Variants in CCT8 observed in about 807,000 individuals in gnomAD.
The protein encoded by CCT8 is T-complex protein 1 subunit theta.
Under a neutral mutation model 65.7 loss-of-function variants are expected in CCT8, and 10 were observed. The observed-to-expected ratio is 0.15, with a 90% CI of 0.09 to 0.26. CCT8 has a LOEUF of 0.26. Among genes scored for constraint, CCT8 ranks in the 10% least tolerant of loss-of-function variants. CCT8 has a pLI of 1.00. For missense variants in CCT8, 568 were observed against 669.1 expected (o/e 0.85, Z 1.67); for synonymous variants, 199 against 221.8 (o/e 0.90, Z 0.92).
chr21:29,068,089 G>A (rs1415314495), intron 3 of CCT8, among the ~76,000 whole-genome samples: 2 of 152,164 alleles, frequency 1.3e-5, no homozygotes, highest in Non-Finnish European at 2.9e-5. Context: ...ACTTGGTCAT[G>A]ACTCTCAATA....
At chr21:29,059,236 T>C (rs2085536833) in intron 14 of CCT8, among the ~76,000 whole-genome samples, 1 of 152,232 alleles carries the variant, frequency 6.6e-6, no homozygotes. Flanking sequence ...TTCTAGAATA[T>C]ATACTATACA....
chr21:29,069,381 T>C (rs2085657777), intron 3 of CCT8, 42 bp downstream of exon 3: 1 of 1,133,596 alleles, frequency 8.8e-7, no homozygotes, highest in Non-Finnish European at 1.3e-6. Context: ...TTAATTTTGA[T>C]GTCACCAAAA....
rs185768493 is a variant in CCT8, at chr21:29,065,821, A to G, written c.625-716T>C. Reference sequence around the variant, plus strand: ...TTTTGCGCTGGGCGCGGTGGCTCACACCTGTAATCTCAGCACTTTGGGAGG... The same window carrying G: ...TTTTGCGCTGGGCGCGGTGGCTCACGCCTGTAATCTCAGCACTTTGGGAGG... On this transcript the variant is annotated intron_variant, in intron 6 of 14. Coordinates refer to ENST00000286788, the MANE Select transcript of CCT8 (RefSeq NM_006585.4). Among the ~76,000 whole-genome samples, 310 of 152,326 alleles carry G rather than the reference A, an allele frequency of 2.0e-3. 4 individuals carry two copies. The highest frequency in any genetic ancestry group is 7.3e-3 in the African/African-American group (303 of 41,578).
At chr21:29,070,758 G>C (rs564370400) in intron 1 of CCT8, among the ~76,000 whole-genome samples, 1 of 152,248 alleles carries the variant, frequency 6.6e-6, no homozygotes, top group Admixed American at 6.5e-5. Flanking sequence ...GAAAAGTACA[G>C]GGAACCATGC....
At chr21:29,064,409 TAAAAA>T (rs34760776) in intron 7 of CCT8, among the ~76,000 whole-genome samples, 1 of 26,714 alleles carries the variant, frequency 3.7e-5, no homozygotes, top group African/African-American at 1.7e-4. Flanking sequence ...AGCAAGACTC[TAAAAA>T]AAAAAAAAAA....
At chr21:29,058,246 G>A (rs2085525959) in intron 14 of CCT8, 1 of 152,070 alleles carries the variant, frequency 6.6e-6, no homozygotes, top group South Asian at 2.1e-4. Flanking sequence ...AGACCATCCT[G>A]GCCAACATGG....
At chr21:29,073,417 C>T (rs1479939271) in intron 1 of CCT8, 114 bp downstream of exon 1, 6 of 1,554,814 alleles carry the variant, frequency 3.9e-6, no homozygotes, top group East Asian at 2.3e-5. Flanking sequence ...TCTCTTCCCC[C>T]GGCCGCTGAG....
intron 8 of CCT8, 51 bp from the exon 9 acceptor site, chr21:29,062,607 CAT>C: frequency 6.9e-7 from 1 of 1,452,342 alleles, no homozygotes; most frequent in African/African-American, 1.4e-5. Context: ...TTTCAGATAG[CAT>C]ATAAAGTTCA....
intron 6 of CCT8, among the ~76,000 whole-genome samples, chr21:29,066,325 G>A (rs2085621945): frequency 6.6e-6 from 1 of 152,112 alleles, no homozygotes; most frequent in South Asian, 2.1e-4. Flanking sequence ...TGGATCACCT[G>A]AGGTCGGGAG....
At chr21:29,058,480 A>C (rs1223258722) in intron 14 of CCT8, among the ~76,000 whole-genome samples, 1 of 152,106 alleles carries the variant, frequency 6.6e-6, no homozygotes, top group African/African-American at 2.4e-5. Context: ...AGTAGTTCCC[A>C]AACTTTAGTG....
At chr21:29,072,678 C>T (rs759199360) in intron 1 of CCT8, among the ~76,000 whole-genome samples, 1 of 152,222 alleles carries the variant, frequency 6.6e-6, no homozygotes, top group Non-Finnish European at 1.5e-5. Flanking sequence ...AATTCAACCA[C>T]ACTGATCTAT....
rs180954314 is a variant in CCT8, at chr21:29,070,365, C to T, written c.61-28G>A. On this transcript the variant is annotated intron_variant, in intron 1 of 14. Coordinates refer to ENST00000286788, the MANE Select transcript of CCT8 (RefSeq NM_006585.4). ...GTTAAAAAAAACAAACAAAAAACCC[C>T]GCTAATTAGACAGGACAGTGAAACA... 1.5e-3 allele frequency: 2,215 copies of T among 1,439,378 alleles called. 3 individuals carry two copies. The highest frequency in any genetic ancestry group is 1.9e-3 in the Non-Finnish European group (1,983 of 1,035,214). 89.2% of individuals were successfully genotyped at this position (1,439,378 alleles called of 1,614,324 possible).
At chr21:29,064,718 G>A (rs2146432028) in intron 7 of CCT8, among the ~76,000 whole-genome samples, 1 of 152,210 alleles carries the variant, frequency 6.6e-6, no homozygotes, top group East Asian at 1.9e-4. Context: ...TCTTTCACTT[G>A]CTGAATGTAT....
Position 29,057,861 on chromosome 21 carries a change from A to G in CCT8, c.1570-1309T>C, listed in dbSNP as rs570111759. On this transcript the variant is annotated intron_variant, in intron 14 of 14. Transcript: ENST00000286788. ...TATACATATCAGATATATATGATAT[A>G]TATCTCAGCCAACCATGACAGCACC... Among the ~76,000 whole-genome samples, 38 of 151,620 alleles carry G rather than the reference A, an allele frequency of 2.5e-4. No individual in the cohort carries two copies. In the South Asian group the frequency reaches 7.1e-3, roughly 28 times the overall value.
chr21:29,070,445 G>T (rs546750183), intron 1 of CCT8, 108 bp from the exon 2 acceptor site: 2 of 595,954 alleles, frequency 3.4e-6, no homozygotes, highest in Non-Finnish European at 5.7e-6. Context: ...TAAAGAGGGA[G>T]CATAGCTTAG....
intron 6 of CCT8, among the ~76,000 whole-genome samples, chr21:29,066,201 GGTA>G (rs1179410357): frequency 1.3e-5 from 2 of 151,974 alleles, no homozygotes; most frequent in Admixed American, 6.6e-5. Flanking sequence ...AACTTAAATA[GGTA>G]GTAGTATTAT....
intron 3 of CCT8, 97 bp downstream of exon 3, chr21:29,069,326 C>A (rs1319787167): frequency 6.3e-6 from 4 of 630,066 alleles, no homozygotes; most frequent in East Asian, 2.9e-5. Flanking sequence ...AAAAATAGTC[C>A]CTTATCCAAT....
chr21:29,058,795 T>C (rs940314922), intron 14 of CCT8, among the ~76,000 whole-genome samples: 2 of 151,998 alleles, frequency 1.3e-5, no homozygotes, highest in African/African-American at 2.4e-5. Flanking sequence ...GATTTCACCA[T>C]GTTAGCCAGG....
At chr21:29,071,226 G>C (rs1021600911) in intron 1 of CCT8, among the ~76,000 whole-genome samples, 1 of 152,166 alleles carries the variant, frequency 6.6e-6, no homozygotes, top group Non-Finnish European at 1.5e-5. Context: ...AATTGCAGGA[G>C]CCACAGTTCA....
Sources: gnomAD v4.1 joint callset for allele counts (sites outside exome capture counted in the v4.1 genomes callset) on GRCh38, gnomAD v4.1.1 for gene constraint, MANE v1.5 for transcripts, NCBI Gene and HGNC (gene_info 2026-07-23, HGNC 2026-07-21) for gene names.